The following LSAMP variants were observed in gnomAD, a reference collection of about 807,000 sequenced individuals.
LSAMP encodes the protein limbic system associated membrane protein, also known as limbic system-associated membrane protein.
A neutral mutation model predicts 38.6 loss-of-function variants in LSAMP; 7 were observed. The observed-to-expected ratio is 0.18, with a 90% CI of 0.10 to 0.34. The LOEUF (loss-of-function observed/expected upper bound fraction) is 0.34, where lower values mean the gene tolerates loss of function less well. Ranked by LOEUF, LSAMP falls within the 10% of genes least tolerant of loss-of-function variation. LSAMP has a pLI of 1.00. For missense variants in LSAMP, 313 were observed against 420.0 expected (o/e 0.75, Z 2.23); for synonymous variants, 154 against 166.8 (o/e 0.92, Z 0.59).
chr3:116,410,160 T>A (rs761769483), intron 1 of LSAMP, among the ~76,000 whole-genome samples: 1 of 152,124 alleles, frequency 6.6e-6, no homozygotes, highest in Non-Finnish European at 1.5e-5. Flanking sequence ...AATCTCTATA[T>A]AGCACCTCAA....
At chr3:116,240,062 A>G (rs1027313527) in intron 1 of LSAMP, among the ~76,000 whole-genome samples, 1 of 152,226 alleles carries the variant, frequency 6.6e-6, no homozygotes, top group African/African-American at 2.4e-5. Context: ...TCATGTACTT[A>G]CAAAATCTAT....
At chr3:116,352,349 T>C (rs966920032) in intron 1 of LSAMP, among the ~76,000 whole-genome samples, 1 of 152,162 alleles carries the variant, frequency 6.6e-6, no homozygotes, top group Non-Finnish European at 1.5e-5. Flanking sequence ...ATTCAGAGCA[T>C]GGGATCTTGC....
chr3:116,254,496 C>T (rs372386154), intron 1 of LSAMP, among the ~76,000 whole-genome samples: 1 of 152,028 alleles, frequency 6.6e-6, no homozygotes, highest in Non-Finnish European at 1.5e-5. Context: ...CCCAATGTGC[C>T]ACAATAAAGA....
At chr3:116,066,771 A>T (rs563713111) in intron 2 of LSAMP, among the ~76,000 whole-genome samples, 16 of 152,266 alleles carry the variant, frequency 1.1e-4, no homozygotes, top group African/African-American at 3.6e-4. Context: ...ACCCTAATAG[A>T]TCTCTTCCTG....
chr3:116,408,661 C>T (rs940090983), intron 1 of LSAMP, among the ~76,000 whole-genome samples: 4 of 152,008 alleles, frequency 2.6e-5, no homozygotes, highest in Non-Finnish European at 4.4e-5. Context: ...TTAACAGGCT[C>T]GGAGAAGCTA....
intron 1 of LSAMP, among the ~76,000 whole-genome samples, chr3:116,286,399 T>A (rs1423077380): frequency 2.0e-5 from 3 of 152,128 alleles, no homozygotes. Context: ...ATAAATAAAT[T>A]AAGAGGAAGC....
intron 1 of LSAMP, among the ~76,000 whole-genome samples, chr3:116,089,095 T>G (rs1708058553): frequency 6.6e-6 from 1 of 152,344 alleles, no homozygotes; most frequent in South Asian, 2.1e-4. Flanking sequence ...ATGGAAAAGT[T>G]AAAGTCATAC....
chr3:116,258,506 T>C (rs966123855), intron 1 of LSAMP, among the ~76,000 whole-genome samples: 2 of 151,952 alleles, frequency 1.3e-5, no homozygotes. Context: ...TTTTCTAAGC[T>C]TTTTTAAAAT....
intron 2 of LSAMP, among the ~76,000 whole-genome samples, chr3:116,075,378 C>T (rs527895473): frequency 2.4e-4 from 36 of 149,704 alleles, no homozygotes; most frequent in South Asian, 6.4e-4. Context: ...CCTCGTGATC[C>T]GCCCGCCTCA....
chr3:116,413,208 A>C (rs1299422382), intron 1 of LSAMP, among the ~76,000 whole-genome samples: 1 of 151,490 alleles, frequency 6.6e-6, no homozygotes, highest in African/African-American at 2.4e-5. Flanking sequence ...AAATGACTTC[A>C]AACTAATCAT....
chr3:116,399,363 T>C (rs2048810079), intron 1 of LSAMP, among the ~76,000 whole-genome samples: 1 of 152,172 alleles, frequency 6.6e-6, no homozygotes, highest in Non-Finnish European at 1.5e-5. Context: ...TTTAAAGATC[T>C]AAGCAAGAAA....
At chr3:116,442,472 C>T (rs2049448328) in intron 1 of LSAMP, among the ~76,000 whole-genome samples, 1 of 152,136 alleles carries the variant, frequency 6.6e-6, no homozygotes, top group Admixed American at 6.5e-5. Flanking sequence ...ACACACCTTT[C>T]CCAGGCTGGC....
intron 2 of LSAMP, among the ~76,000 whole-genome samples, chr3:116,044,748 C>A (rs570002133): frequency 6.6e-6 from 1 of 152,198 alleles, no homozygotes; most frequent in East Asian, 1.9e-4. Flanking sequence ...CCCCAGCTGG[C>A]CAGACCTCCA....
chr3:116,194,923 C>T (rs1371417217), intron 1 of LSAMP, among the ~76,000 whole-genome samples: 2 of 152,192 alleles, frequency 1.3e-5, no homozygotes, highest in Non-Finnish European at 2.9e-5. Context: ...CATGCTGGTC[C>T]TTGACCTATT....
At chr3:115,941,388 A>G (rs1158510048) in intron 3 of LSAMP, among the ~76,000 whole-genome samples, 1 of 152,206 alleles carries the variant, frequency 6.6e-6, no homozygotes, top group African/African-American at 2.4e-5. Context: ...AATTAAAAAC[A>G]AAACTACCAT....
intron 3 of LSAMP, among the ~76,000 whole-genome samples, chr3:115,988,590 T>C (rs567246529): frequency 6.6e-6 from 1 of 152,140 alleles, no homozygotes; most frequent in East Asian, 1.9e-4. Context: ...GTACACACCA[T>C]TGCGACTTAG....
intron 3 of LSAMP, among the ~76,000 whole-genome samples, chr3:115,958,282 A>T (rs1043503873): frequency 1.3e-5 from 2 of 152,184 alleles, no homozygotes; most frequent in Non-Finnish European, 2.9e-5. Flanking sequence ...TCTATCTATA[A>T]TTATTGAGAT....
chr3:116,164,601 AATATATAT>A (rs36047780), intron 1 of LSAMP, among the ~76,000 whole-genome samples: 25 of 107,298 alleles, frequency 2.3e-4, no homozygotes, highest in African/African-American at 8.9e-4. Flanking sequence ...ATATAATCCA[AATATATAT>A]ATATATATAT....
chr3:115,817,097 G>T lies in LSAMP; in HGVS notation c.920-6683C>A, dbSNP rs551485823. 2.0e-5 allele frequency among the ~76,000 whole-genome samples: 3 copies of T among 152,110 alleles called. No individual in the cohort carries two copies. In the East Asian group the frequency reaches 5.8e-4, roughly 29 times the overall value. ...GTCTATTCCAACTTAAAACCTTCAC[G>T]CTTGCTTTTCATTTGCTTGGAATAT... On this transcript the variant is annotated intron_variant, in intron 6 of 6. Coordinates refer to ENST00000490035, the MANE Select transcript of LSAMP (RefSeq NM_002338.5).
Sources: allele counts gnomAD v4.1 joint callset (sites outside exome capture counted in the v4.1 genomes callset), GRCh38; gene constraint gnomAD v4.1.1; transcripts MANE v1.5; gene names NCBI Gene and HGNC (gene_info 2026-07-23, HGNC 2026-07-21).